The following TMCC1 variants were observed in gnomAD, a reference collection of about 807,000 sequenced individuals.
TMCC1 encodes the protein transmembrane and coiled-coil domains protein 1.
In TMCC1, 15 loss-of-function variants were observed where a neutral mutation model predicts 52.4. That is an observed-to-expected ratio of 0.29 (90% CI 0.19 to 0.44). TMCC1 has a LOEUF of 0.44. Ranked by LOEUF, TMCC1 falls within the 20% of genes least tolerant of loss-of-function variation. The pLI is 1.00. For missense variants in TMCC1, 503 were observed against 806.0 expected (o/e 0.62, Z 4.55); for synonymous variants, 279 against 301.9 (o/e 0.92, Z 0.79).
chr3:129,732,484 G>A (rs535779551), intron 4 of TMCC1, among the ~76,000 whole-genome samples: 13 of 152,218 alleles, frequency 8.5e-5, no homozygotes, highest in African/African-American at 2.9e-4. Flanking sequence ...CATGCAGACT[G>A]CATGAATAAG....
At chr3:129,675,897 C>T (rs936978048) in intron 4 of TMCC1, among the ~76,000 whole-genome samples, 4 of 151,832 alleles carry the variant, frequency 2.6e-5, no homozygotes, top group African/African-American at 4.8e-5. Context: ...ATTAGCTGGG[C>T]GTGGTGGCGG....
intron 4 of TMCC1, among the ~76,000 whole-genome samples, chr3:129,778,500 A>T (rs1415991322): frequency 6.6e-6 from 1 of 152,210 alleles, no homozygotes; most frequent in Non-Finnish European, 1.5e-5. Context: ...ATAGTCCAGA[A>T]TAATTACAAA....
intron 4 of TMCC1, among the ~76,000 whole-genome samples, chr3:129,827,131 A>C (rs1321835203): frequency 2.0e-5 from 3 of 152,200 alleles, no homozygotes; most frequent in Non-Finnish European, 4.4e-5. Flanking sequence ...CATTGTCACT[A>C]CCTGCATGGC....
At chr3:129,803,776 T>G (rs1287499987) in intron 4 of TMCC1, among the ~76,000 whole-genome samples, 1 of 152,114 alleles carries the variant, frequency 6.6e-6, no homozygotes, top group Non-Finnish European at 1.5e-5. Flanking sequence ...TTTTAATACC[T>G]TATTACTCAT....
At chr3:129,774,357 A>G (rs940908544) in intron 4 of TMCC1, among the ~76,000 whole-genome samples, 1 of 152,208 alleles carries the variant, frequency 6.6e-6, no homozygotes, top group Non-Finnish European at 1.5e-5. Context: ...GGCTGTATAA[A>G]TTATCATACC....
chr3:129,765,025 CT>C (rs2054010847), intron 4 of TMCC1, among the ~76,000 whole-genome samples: 1 of 150,678 alleles, frequency 6.6e-6, no homozygotes, highest in Non-Finnish European at 1.5e-5. Flanking sequence ...TAGTCTTGAA[CT>C]CCTGGCCAAA....
intron 4 of TMCC1, among the ~76,000 whole-genome samples, chr3:129,800,190 T>G (rs2057098257): frequency 6.6e-6 from 1 of 152,248 alleles, no homozygotes; most frequent in Non-Finnish European, 1.5e-5. Context: ...TTATTATTAC[T>G]TTATAGTATA....
chr3:129,880,060 G>A (rs180903827), intron 2 of TMCC1, among the ~76,000 whole-genome samples: 68 of 152,166 alleles, frequency 4.5e-4, no homozygotes, highest in African/African-American at 1.6e-3. Context: ...GCTGCTCCCC[G>A]TTACTTGTAA....
chr3:129,814,480 A>C (rs2057997960), intron 4 of TMCC1, among the ~76,000 whole-genome samples: 1 of 152,194 alleles, frequency 6.6e-6, no homozygotes, highest in South Asian at 2.1e-4. Flanking sequence ...AATAGTAAAA[A>C]AGGGATGAAA....
chr3:129,853,791 AAAAAC>A (rs199572601), intron 2 of TMCC1, among the ~76,000 whole-genome samples: 6 of 152,114 alleles, frequency 3.9e-5, no homozygotes, highest in Non-Finnish European at 8.8e-5. Flanking sequence ...CTTCCCCCAA[AAAAAC>A]AAAACAAAAC....
At chr3:129,737,183 G>T (rs559292756) in intron 4 of TMCC1, among the ~76,000 whole-genome samples, 1 of 152,214 alleles carries the variant, frequency 6.6e-6, no homozygotes, top group Admixed American at 6.5e-5. Context: ...AGGCTAGAGG[G>T]GGGCCGGGCG....
chr3:129,728,399 C>T (rs544072505), intron 4 of TMCC1, among the ~76,000 whole-genome samples: 2 of 152,238 alleles, frequency 1.3e-5, no homozygotes, highest in African/African-American at 4.8e-5. Context: ...GATTCTTGTG[C>T]CTCAGTCTCC....
intron 4 of TMCC1, among the ~76,000 whole-genome samples, chr3:129,809,208 C>T (rs553104980): frequency 7.3e-6 from 1 of 137,090 alleles, no homozygotes; most frequent in African/African-American, 2.7e-5. Flanking sequence ...GATCGCGCCA[C>T]TGCACTCCAG....
intron 1 of TMCC1, among the ~76,000 whole-genome samples, chr3:129,892,996 A>C (rs2062044648): frequency 6.6e-6 from 1 of 152,076 alleles, no homozygotes; most frequent in Admixed American, 6.5e-5. Flanking sequence ...CCTCCCCTCG[A>C]AAGACAGTTC....
chr3:129,688,687 CGT>C (rs1274443732), intron 4 of TMCC1: 14 of 985,322 alleles, frequency 1.4e-5, no homozygotes, highest in Admixed American at 6.1e-5. Context: ...AACAAGCATC[CGT>C]GTGTGTGCGC....
At chr3:129,893,350 C>A (rs1313569306) in intron 1 of TMCC1, 144 bp downstream of exon 1, 3 of 152,568 alleles carry the variant, frequency 2.0e-5, no homozygotes, top group Non-Finnish European at 2.9e-5. Context: ...CAGGTCCCAG[C>A]CCCGACAGGC....
chr3:129,673,758 G>A (rs1275378523), intron 4 of TMCC1, among the ~76,000 whole-genome samples: 4 of 152,080 alleles, frequency 2.6e-5, no homozygotes, highest in Non-Finnish European at 5.9e-5. Flanking sequence ...GGCTGAGGTG[G>A]GAGGATAGCT....
At chr3:129,769,303 C>T (rs1052740126) in intron 4 of TMCC1, among the ~76,000 whole-genome samples, 2 of 152,188 alleles carry the variant, frequency 1.3e-5, no homozygotes, top group African/African-American at 4.8e-5. Flanking sequence ...GAACTCGGCT[C>T]ACTGCAACCT....
At chr3:129,875,172 G>C (rs965586989) in intron 2 of TMCC1, among the ~76,000 whole-genome samples, 1 of 150,670 alleles carries the variant, frequency 6.6e-6, no homozygotes, top group African/African-American at 2.4e-5. Context: ...GAGCAATACA[G>C]CAAGATTCCA....
Sources: gnomAD v4.1 joint callset for allele counts (sites outside exome capture counted in the v4.1 genomes callset) on GRCh38, gnomAD v4.1.1 for gene constraint, MANE v1.5 for transcripts, NCBI Gene and HGNC (gene_info 2026-07-23, HGNC 2026-07-21) for gene names.